Variants in JARID2 observed in about 807,000 individuals in gnomAD.
JARID2 encodes the protein jumonji and AT-rich interaction domain containing 2, also known as protein Jumonji.
JARID2 carries 21 observed loss-of-function variants against 125.6 expected under a neutral mutation model. The observed-to-expected ratio is 0.17, with a 90% CI of 0.12 to 0.24. The LOEUF is 0.24. JARID2 is among the 10% of genes least tolerant of loss of function. The pLI is 1.00. For synonymous variants in JARID2, 736 were observed against 661.6 expected (o/e 1.11, Z -1.73); for missense variants, 1,303 against 1,639.6 (o/e 0.79, Z 3.55).
At chr6:15,266,259 T>G (rs1328608743) in intron 1 of JARID2, among the ~76,000 whole-genome samples, 1 of 152,194 alleles carries the variant, frequency 6.6e-6, no homozygotes, top group East Asian at 1.9e-4. Context: ...TTTAAAGAGC[T>G]TTTTAGCACG....
chr6:15,296,721 C>T (rs1761429447), intron 1 of JARID2, among the ~76,000 whole-genome samples: 3 of 152,178 alleles, frequency 2.0e-5, no homozygotes, highest in Non-Finnish European at 4.4e-5. Flanking sequence ...AGCTGCTACC[C>T]GTGTCCCTGT....
At position 15,410,272 on chromosome 6, in the gene JARID2, A is replaced by G; in HGVS notation, c.230A>G (p.Gln77Arg). ...AAGGGATTAGGACCAGCATCAGAAC[A>G]GTCAGAGAATGAAAAGGACGATGCA... is the stretch of plus-strand genomic sequence containing the variant. ...QSKGLGPASE[Q>R]SENEKDDASQ... Residue 77 changes from glutamine to arginine, a missense_variant, in exon 3 of 18, where the codon CAG becomes CGG. By Grantham distance (43) the Gln-to-Arg change is conservative (BLOSUM62 1). This residue lies in a region of JARID2 where 93 missense variants were observed against 120.4 expected (regional missense o/e 0.77). Transcript: ENST00000341776. The G allele has an allele frequency of 2.5e-6, 4 of 1,614,168 alleles. No individual in the cohort carries two copies. The highest frequency in any genetic ancestry group is 3.4e-6 in the Non-Finnish European group (4 of 1,179,994).
intron 1 of JARID2, chr6:15,247,583 A>G (rs1316614980): frequency 6.1e-6 from 6 of 984,798 alleles, no homozygotes; most frequent in Non-Finnish European, 7.2e-6. Flanking sequence ...GAATAATGCA[A>G]CGTAAGAGGA....
chr6:15,414,925 A>C (rs531911242), intron 3 of JARID2, among the ~76,000 whole-genome samples: 5 of 152,334 alleles, frequency 3.3e-5, no homozygotes, highest in East Asian at 3.9e-4. Context: ...ACAAGTGAAC[A>C]AAGGTCTCTG....
At chr6:15,336,651 CTTT>C (rs10716567) in intron 1 of JARID2, among the ~76,000 whole-genome samples, 172 of 133,160 alleles carry the variant, frequency 1.3e-3, no homozygotes, top group African/African-American at 4.4e-3. Context: ...ATTCAGGATT[CTTT>C]TTTTTTTTTT....
chr6:15,382,537 T>C (rs1764630779), intron 2 of JARID2, among the ~76,000 whole-genome samples: 1 of 152,182 alleles, frequency 6.6e-6, no homozygotes, highest in Non-Finnish European at 1.5e-5. Flanking sequence ...ACTGGTCTGA[T>C]GCCAAAGGAG....
chr6:15,255,032 A>C (rs1759606350), intron 1 of JARID2, among the ~76,000 whole-genome samples: 2 of 151,858 alleles, frequency 1.3e-5, no homozygotes, highest in South Asian at 4.2e-4. Context: ...AAACAAAAAA[A>C]AAACACCACA....
intron 3 of JARID2, among the ~76,000 whole-genome samples, chr6:15,412,892 T>C (rs186265772): frequency 6.6e-6 from 1 of 152,146 alleles, no homozygotes; most frequent in African/African-American, 2.4e-5. Flanking sequence ...CTAAAGTAAC[T>C]ACCTATAATG....
At chr6:15,395,081 C>T (rs578248804) in intron 2 of JARID2, among the ~76,000 whole-genome samples, 101 of 152,014 alleles carry the variant, frequency 6.6e-4, no homozygotes, top group African/African-American at 2.4e-3. Flanking sequence ...AGAAGCAAAT[C>T]GTTGCTTCTG....
At chr6:15,414,761 AT>A (rs978354435) in intron 3 of JARID2, among the ~76,000 whole-genome samples, 64 of 150,642 alleles carry the variant, frequency 4.2e-4, no homozygotes, top group Admixed American at 3.3e-4. Flanking sequence ...GGTGGGTGAG[AT>A]TGTTTTTTTT....
Position 15,501,401 on chromosome 6 carries a change from A to T in JARID2, c.2440A>T (p.Ile814Phe). 1 of 1,540,776 alleles carries T rather than the reference A, an allele frequency of 6.5e-7. No individual in the cohort carries two copies. The highest frequency in any genetic ancestry group is 8.7e-7 in the Non-Finnish European group (1 of 1,145,248). Residue 814 changes from isoleucine to phenylalanine, a missense_variant, in exon 8 of 18, where the codon ATC becomes TTC. By Grantham distance (21) the Ile-to-Phe change is conservative (BLOSUM62 0). This residue lies in a region of JARID2 where 29 missense variants were observed against 47.7 expected (regional missense o/e 0.61). Transcript: ENST00000341776. ...CGTCCTCAATGACTTCCACAAGTGC[A>T]TCTATAAGGTAGGGGCCTCCGCAGA... ...KGVLNDFHKC[I>F]YKGRSVSLTT...
rs1318508529 is a variant in JARID2, at chr6:15,463,852, G to A, written c.494-4690G>A. On this transcript the variant is annotated intron_variant, in intron 4 of 17. Coordinates refer to ENST00000341776, the MANE Select transcript of JARID2 (RefSeq NM_004973.4). ...GAAATATGCAATAGTTTTCTCCAGT[G>A]ATAAACACCCTGGGCTGCTATCTGA... 3.3e-5 allele frequency among the ~76,000 whole-genome samples: 5 copies of A among 152,172 alleles called. No homozygotes were observed. The East Asian group carries it at 9.6e-4, about 29-fold the overall frequency.
chr6:15,503,219 T>C (rs1770827091), intron 8 of JARID2, among the ~76,000 whole-genome samples: 1 of 152,328 alleles, frequency 6.6e-6, no homozygotes, highest in Non-Finnish European at 1.5e-5. Context: ...CTGCTGACTT[T>C]GGTCTGCTGG....
chr6:15,283,854 T>C lies in JARID2; in HGVS notation c.45+37270T>C, dbSNP rs560426738. On this transcript the variant is annotated intron_variant, in intron 1 of 17. Coordinates refer to ENST00000341776, the MANE Select transcript of JARID2 (RefSeq NM_004973.4). Reference sequence around the variant, plus strand: ...CTGAGTAGCTGGGACTACAGGCGCCTGCCACCATGCCCGGCTAATTTTTTT... The same window carrying C: ...CTGAGTAGCTGGGACTACAGGCGCCCGCCACCATGCCCGGCTAATTTTTTT... 4.5e-3 allele frequency among the ~76,000 whole-genome samples: 674 copies of C among 151,134 alleles called. 5 individuals carry two copies. The highest frequency in any genetic ancestry group is 7.1e-3 in the Non-Finnish European group (479 of 67,800).
intron 1 of JARID2, among the ~76,000 whole-genome samples, chr6:15,305,861 G>T (rs1305123558): frequency 6.6e-6 from 1 of 152,172 alleles, no homozygotes; most frequent in African/African-American, 2.4e-5. Flanking sequence ...GAATTTACAA[G>T]GGAGTTCACT....
At chr6:15,294,849 T>C (rs1236849371) in intron 1 of JARID2, among the ~76,000 whole-genome samples, 2 of 152,168 alleles carry the variant, frequency 1.3e-5, no homozygotes, top group African/African-American at 4.8e-5. Context: ...GGACTTTGTC[T>C]CCTGGAAGAT....
Position 15,518,136 on chromosome 6 carries a change from C to T in JARID2, c.3558+868C>T, listed in dbSNP as rs142216788. Among the ~76,000 whole-genome samples, 824 of 152,360 alleles carry T rather than the reference C, an allele frequency of 5.4e-3. 4 individuals are homozygous for T. The highest frequency in any genetic ancestry group is 9.7e-3 in the Non-Finnish European group (659 of 68,028). On this transcript the variant is annotated intron_variant, in intron 17 of 17. Coordinates refer to ENST00000341776, the MANE Select transcript of JARID2 (RefSeq NM_004973.4). ...AGCACCTGCTGTGTCCCTCCTTCAC[C>T]TTAGCAGCAAATGTCCAGGCACAGT...
chr6:15,485,049 T>C (rs758392439), intron 5 of JARID2, among the ~76,000 whole-genome samples: 2 of 152,238 alleles, frequency 1.3e-5, no homozygotes, highest in Non-Finnish European at 2.9e-5. Flanking sequence ...TTGGGCATGA[T>C]TGATGGTTTC....
chr6:15,278,436 A>G (rs1276114607), intron 1 of JARID2, among the ~76,000 whole-genome samples: 1 of 151,766 alleles, frequency 6.6e-6, no homozygotes, highest in East Asian at 1.9e-4. Flanking sequence ...AATACAAAAA[A>G]TTAGCTGGGC....
Sources: allele counts gnomAD v4.1 joint callset (sites outside exome capture counted in the v4.1 genomes callset), GRCh38; gene constraint gnomAD v4.1.1; regional missense constraint gnomAD v4.1.1; transcripts MANE v1.5; gene names NCBI Gene and HGNC (gene_info 2026-07-23, HGNC 2026-07-21).